The following ZSWIM6 variants were observed in gnomAD, a reference collection of about 807,000 sequenced individuals.
ZSWIM6 encodes the protein zinc finger SWIM-type containing 6.
Under a neutral mutation model 113.2 loss-of-function variants are expected in ZSWIM6, and 9 were observed. That is an observed-to-expected ratio of 0.08 (90% CI 0.05 to 0.14). ZSWIM6 has a LOEUF of 0.14. Among genes scored for constraint, ZSWIM6 ranks in the 10% least tolerant of loss-of-function variants. The pLI is 1.00. For synonymous variants in ZSWIM6, 611 were observed against 606.5 expected, an observed-to-expected ratio of 1.01 and a Z score of -0.11; for missense variants, 1,162 against 1,552.2, an observed-to-expected ratio of 0.75 and a Z score of 4.22.
chr5:61,535,430 G>A, intron 9 of ZSWIM6, 54 bp from the exon 10 acceptor site: 1 of 1,538,212 alleles, frequency 6.5e-7, no homozygotes, highest in Non-Finnish European at 8.8e-7. Flanking sequence ...TGCTTTACAA[G>A]AAGTGTTAGT....
intron 1 of ZSWIM6, among the ~76,000 whole-genome samples, chr5:61,452,138 G>C (rs971638820): frequency 2.0e-5 from 3 of 151,972 alleles, no homozygotes; most frequent in Admixed American, 1.3e-4. Context: ...TTTTCTTGCT[G>C]TTTTAAGGAA....
intron 4 of ZSWIM6, among the ~76,000 whole-genome samples, chr5:61,520,822 G>A (rs1253837128): frequency 1.3e-5 from 2 of 152,120 alleles, no homozygotes; most frequent in Admixed American, 1.3e-4. Context: ...CATTTGGAGT[G>A]ATATATTGCA....
chr5:61,348,607 T>C (rs958940897), intron 1 of ZSWIM6, among the ~76,000 whole-genome samples: 3 of 152,168 alleles, frequency 2.0e-5, no homozygotes, highest in Admixed American at 2.0e-4. Context: ...AGTTTAAAAA[T>C]TTATGAGTTG....
chr5:61,468,503 T>C (rs1580011399), intron 1 of ZSWIM6, among the ~76,000 whole-genome samples: 1 of 152,358 alleles, frequency 6.6e-6, no homozygotes, highest in East Asian at 1.9e-4. Context: ...TTGTCCCTTT[T>C]TGTATGCTCA....
intron 1 of ZSWIM6, among the ~76,000 whole-genome samples, chr5:61,462,612 C>A (rs955453205): frequency 6.6e-6 from 1 of 152,178 alleles, no homozygotes; most frequent in African/African-American, 2.4e-5. Flanking sequence ...GCATTTCCAG[C>A]AGCAAGTGCA....
At chr5:61,382,544 C>T (rs1412597055) in intron 1 of ZSWIM6, among the ~76,000 whole-genome samples, 1 of 152,142 alleles carries the variant, frequency 6.6e-6, no homozygotes, top group Non-Finnish European at 1.5e-5. Flanking sequence ...TGGCTCATGC[C>T]CATAATCCCA....
In ZSWIM6 at chr5:61,333,036, C is replaced by T. The variant is rs1429668120; in HGVS notation, c.676+88C>T. The T allele has an allele frequency of 2.0e-5, 21 of 1,060,824 alleles. No individual in the cohort carries two copies. In the South Asian group the frequency reaches 5.4e-4, roughly 27 times the overall value. 65.7% of individuals were successfully genotyped at this position (1,060,824 alleles called of 1,614,324 possible). On this transcript the variant is annotated intron_variant, in intron 1 of 13. Coordinates refer to ENST00000252744, the MANE Select transcript of ZSWIM6 (RefSeq NM_020928.2). ...GCCCGCCTTTCTCCTGCGGACAGCC[C>T]CTAGTTCCGCGCGCGCCCGCACCCC...
At chr5:61,456,194 G>A (rs1443514863) in intron 1 of ZSWIM6, among the ~76,000 whole-genome samples, 2 of 151,918 alleles carry the variant, frequency 1.3e-5, no homozygotes, top group African/African-American at 4.8e-5. Flanking sequence ...TATATTGGAG[G>A]CCTTCTCAAA....
At chr5:61,455,640 T>C (rs10939903) in intron 1 of ZSWIM6, among the ~76,000 whole-genome samples, 83,811 of 152,000 alleles carry the variant, frequency 0.55, 23,967 homozygotes, top group African/African-American at 0.67. Context: ...AGCACTTGGC[T>C]AGCGGGGCAG....
intron 13 of ZSWIM6, among the ~76,000 whole-genome samples, chr5:61,542,562 T>C (rs1749769496): frequency 6.6e-6 from 1 of 152,204 alleles, no homozygotes; most frequent in Non-Finnish European, 1.5e-5. Context: ...CATATTTGCA[T>C]CAGAAAGGGA....
intron 1 of ZSWIM6, among the ~76,000 whole-genome samples, chr5:61,376,708 G>C (rs1185143657): frequency 7.1e-6 from 1 of 140,822 alleles, no homozygotes; most frequent in Non-Finnish European, 1.5e-5. Flanking sequence ...GAACTTGATA[G>C]CTAAAGATTC....
At chr5:61,524,278 T>C (rs1749220600) in intron 5 of ZSWIM6, among the ~76,000 whole-genome samples, 1 of 151,872 alleles carries the variant, frequency 6.6e-6, no homozygotes, top group South Asian at 2.1e-4. Flanking sequence ...CTTTGCCTTC[T>C]CCCTTGCAGT....
rs181236488 is a variant in ZSWIM6 at position 61,501,220 on chromosome 5, G to A, written c.1333+6810G>A. Among the ~76,000 whole-genome samples, 663 of 152,242 alleles carry A rather than the reference G, an allele frequency of 4.4e-3. 2 individuals carry two copies. Among genetic ancestry groups the A allele is most frequent in the African/African-American group, 0.013 (534 of 41,564 alleles). ...TCTGTATTCTTGGGTCATAGACCTC[G>A]GAGTTCTGCCCTGCTGTGGGGGTGG... is the stretch of plus-strand genomic sequence containing the variant. On this transcript the variant is annotated intron_variant, in intron 4 of 13. Coordinates refer to ENST00000252744, the MANE Select transcript of ZSWIM6 (RefSeq NM_020928.2).
intron 1 of ZSWIM6, among the ~76,000 whole-genome samples, chr5:61,466,674 G>GAGTTTATAACAGTCTTTC (rs374314933): frequency 7.9e-4 from 120 of 152,164 alleles, no homozygotes; most frequent in African/African-American, 2.7e-3. Context: ...CTAATGCTTT[G>GAGTTTATAACAGTCTTTC]AGTTTATAAC....
At chr5:61,485,803 A>G (rs1748004255) in intron 2 of ZSWIM6, among the ~76,000 whole-genome samples, 1 of 152,190 alleles carries the variant, frequency 6.6e-6, no homozygotes, top group African/African-American at 2.4e-5. Flanking sequence ...ATACGTAAAT[A>G]TATTCACATT....
intron 1 of ZSWIM6, among the ~76,000 whole-genome samples, chr5:61,372,862 T>C (rs1234209778): frequency 1.3e-5 from 2 of 152,186 alleles, no homozygotes; most frequent in African/African-American, 4.8e-5. Flanking sequence ...CATTTTTACC[T>C]CTTCAATATT....
At chr5:61,349,402 G>A (rs1160804414) in intron 1 of ZSWIM6, among the ~76,000 whole-genome samples, 1 of 152,094 alleles carries the variant, frequency 6.6e-6, no homozygotes, top group East Asian at 1.9e-4. Flanking sequence ...CCAGCCCTGT[G>A]GGTGTCTGCA....
At chr5:61,386,366 C>A (rs1459278499) in intron 1 of ZSWIM6, among the ~76,000 whole-genome samples, 1 of 152,210 alleles carries the variant, frequency 6.6e-6, no homozygotes, top group East Asian at 1.9e-4. Context: ...TTTAATTGGG[C>A]TGTGGCTGTT....
At chr5:61,497,176 G>A (rs751626528) in intron 4 of ZSWIM6, among the ~76,000 whole-genome samples, 1 of 151,668 alleles carries the variant, frequency 6.6e-6, no homozygotes, top group Non-Finnish European at 1.5e-5. Flanking sequence ...GCGAGAGTAT[G>A]CTAGCCAAGT....
Sources: gnomAD v4.1 joint callset for allele counts (sites outside exome capture counted in the v4.1 genomes callset) on GRCh38, gnomAD v4.1.1 for gene constraint, MANE v1.5 for transcripts, NCBI Gene and HGNC (gene_info 2026-07-23, HGNC 2026-07-21) for gene names.